Variants in TRNT1 observed in about 807,000 individuals in gnomAD.
The protein encoded by TRNT1 is tRNA nucleotidyl transferase 1.
TRNT1 carries 44 observed loss-of-function variants against 45.6 expected under a neutral mutation model. The observed-to-expected ratio is 0.97, with a 90% CI of 0.76 to 1.24. The LOEUF (loss-of-function observed/expected upper bound fraction) is 1.24. TRNT1 is among the 50% of genes most tolerant of loss of function. The probability of loss-of-function intolerance (pLI) is 0.00; values close to 1 mark genes in which losing one functional copy is unlikely to be tolerated. For missense variants in TRNT1, 633 were observed against 504.4 expected (o/e 1.25, Z -2.44); for synonymous variants, 201 against 171.4 (o/e 1.17, Z -1.35).
intron 3 of TRNT1, among the ~76,000 whole-genome samples, chr3:3,138,026 A>G (rs1705433561): frequency 6.6e-6 from 1 of 152,232 alleles, no homozygotes; most frequent in Non-Finnish European, 1.5e-5. Flanking sequence ...TTCCTCTCAA[A>G]AGATTTAAAC....
chr3:3,150,103 G>C (rs1186846659), downstream of TRNT1: 2 of 152,050 alleles, frequency 1.3e-5, no homozygotes, highest in African/African-American at 4.8e-5. Flanking sequence ...CTGGGTGAGG[G>C]GACATGTTTT....
chr3:3,128,568 C>T (rs1033574853), intron 1 of TRNT1, among the ~76,000 whole-genome samples: 1 of 142,666 alleles, frequency 7.0e-6, no homozygotes, highest in Non-Finnish European at 1.5e-5. Flanking sequence ...CACTGCACTC[C>T]CGCCTGAGCG....
At chr3:3,147,348 G>C in intron 6 of TRNT1, 102 bp from the exon 7 acceptor site, 1 of 1,335,354 alleles carries the variant, frequency 7.5e-7, no homozygotes, top group Non-Finnish European at 1.0e-6. Flanking sequence ...ATGTATCCTA[G>C]TGACAAAGCA....
At chr3:3,143,215 A>G (rs906455374) in intron 4 of TRNT1, among the ~76,000 whole-genome samples, 3 of 152,108 alleles carry the variant, frequency 2.0e-5, no homozygotes, top group East Asian at 3.9e-4. Context: ...ATGGTAACCA[A>G]CTGTCTTAGT....
chr3:3,127,360 AC>A (rs954142736), intron 1 of TRNT1: 4 of 152,216 alleles, frequency 2.6e-5, no homozygotes, highest in African/African-American at 7.2e-5. Context: ...GTGCGAGGAA[AC>A]TGAGTGGGTC....
intron 2 of TRNT1, chr3:3,129,946 G>A (rs1704899979): frequency 6.4e-7 from 1 of 1,550,580 alleles, no homozygotes; most frequent in African/African-American, 1.4e-5. Context: ...GAGAACTGAA[G>A]GAAGAAGGAA....
chr3:3,152,237 T>C (rs1051772101), downstream of TRNT1, among the ~76,000 whole-genome samples: 1 of 151,584 alleles, frequency 6.6e-6, no homozygotes, highest in African/African-American at 2.4e-5. Flanking sequence ...TGCAACACTC[T>C]TGCCTTCCAG....
chr3:3,129,734 T>C (rs1704881498), intron 2 of TRNT1, among the ~76,000 whole-genome samples: 1 of 152,258 alleles, frequency 6.6e-6, no homozygotes, highest in Non-Finnish European at 1.5e-5. Context: ...ATTACAGGAC[T>C]GGTGCTACTA....
downstream of TRNT1, chr3:3,149,455 G>A (rs936907543): frequency 1.0e-4 from 15 of 143,316 alleles, no homozygotes; most frequent in African/African-American, 3.7e-4. Context: ...AATTTTATTT[G>A]CTAGTAAACG....
chr3:3,139,344 G>C (rs1460498694), intron 3 of TRNT1, among the ~76,000 whole-genome samples: 2 of 152,200 alleles, frequency 1.3e-5, no homozygotes, highest in Non-Finnish European at 2.9e-5. Context: ...TCTATAGTGA[G>C]AGATAGATGT....
At position 3,147,852 on chromosome 3, in the gene TRNT1, G is replaced by A. The variant is rs576178832; in HGVS notation, c.1057-54G>A. On this transcript the variant is annotated intron_variant, in intron 7 of 7. Coordinates refer to ENST00000251607, the MANE Select transcript of TRNT1 (RefSeq NM_182916.3). The stretch of plus-strand genomic sequence containing the variant: ...AGTATTTAAATTTTAGGATAAGATT[G>A]TAAGTGTATGTTTTCATGTGTGACG... 8.3e-6 allele frequency: 13 copies of A among 1,562,380 alleles called. No individual in the cohort carries two copies. In the African/African-American group the frequency reaches 1.2e-4, roughly 15 times the overall value.
intron 4 of TRNT1, among the ~76,000 whole-genome samples, chr3:3,143,522 C>T (rs1368211671): frequency 1.3e-5 from 2 of 152,216 alleles, no homozygotes; most frequent in African/African-American, 4.8e-5. Context: ...TAACCACACC[C>T]TTGCTAACAC....
downstream of TRNT1, chr3:3,150,117 A>ATCTT (rs1315451383): frequency 6.6e-6 from 1 of 152,182 alleles, no homozygotes; most frequent in East Asian, 1.9e-4. Context: ...ATGTTTTGGC[A>ATCTT]TCTTTTCCCT....
At position 3,148,372 on chromosome 3, in the gene TRNT1, GGA is replaced by G; in HGVS notation, c.*219_*220del. The G allele has an allele frequency of 2.2e-6, 1 of 459,272 alleles. No individual in the cohort carries two copies. 28.4% of individuals were successfully genotyped at this position (459,272 alleles called of 1,614,324 possible). A position where few individuals can be genotyped will look rare whatever the true frequency, so the allele number is the denominator to read the frequency against. ...TATCACTGAAATGTACAGTTCTTTT[GGA>G]ATAGTTTCACCTGAGAAAACATAGT... On this transcript the variant is annotated 3_prime_UTR_variant, in exon 8 of 8. Transcript: ENST00000251607.
chr3:3,140,479 G>A, intron 3 of TRNT1, 31 bp from the exon 4 acceptor site: 1 of 1,599,020 alleles, frequency 6.3e-7, no homozygotes. Context: ...TAATTTAAAT[G>A]ACAACAAAAA....
chr3:3,132,731 G>GAAAAAAAAAAAAAAAAAAAAAAAAA (rs369384116), intron 2 of TRNT1, among the ~76,000 whole-genome samples: 1 of 88,976 alleles, frequency 1.1e-5, no homozygotes, highest in African/African-American at 3.7e-5. Context: ...CCTATTGAAG[G>GAAAAAAAAAAAAAAAAAAAAAAAAA]AAAAAAAAAA....
downstream of TRNT1, chr3:3,152,636 TTTTA>T: frequency 6.2e-7 from 1 of 1,608,630 alleles, no homozygotes; most frequent in Non-Finnish European, 8.5e-7. Flanking sequence ...AGAAGTCTAA[TTTTA>T]TTAAATGCTT....
At position 3,129,127 on chromosome 3, in the gene TRNT1, A is replaced by G. The variant is rs1340183028; in HGVS notation, c.87A>G (p.Thr29=). Reference sequence around the variant, plus strand: ...GCCTTCCGAAGCAGTATCTATTCACAATGAAGTTGCAGTCTCCCGAATTCC... The same window carrying G: ...GCCTTCCGAAGCAGTATCTATTCACGATGAAGTTGCAGTCTCCCGAATTCC... The part of the protein sequence containing the change: ...RLCLPKQYLF[T]MKLQSPEFQS... Residue 29 remains threonine, a synonymous_variant, in exon 2 of 8, where the codon ACA becomes ACG. Transcript: ENST00000251607. 1.2e-6 allele frequency: 2 copies of G among 1,614,034 alleles called. No individual in the cohort carries two copies. The highest frequency in any genetic ancestry group is 3.3e-5 in the Admixed American group (2 of 60,022).
chr3:3,129,770 C>T (rs2126003602), intron 2 of TRNT1: 1 of 1,146,344 alleles, frequency 8.7e-7, no homozygotes, highest in African/African-American at 1.5e-5. Flanking sequence ...ACATTTTGAC[C>T]TGTTACGTGA....
Sources: allele counts gnomAD v4.1 joint callset (sites outside exome capture counted in the v4.1 genomes callset), GRCh38; gene constraint gnomAD v4.1.1; transcripts MANE v1.5; gene names NCBI Gene and HGNC (gene_info 2026-07-23, HGNC 2026-07-21).